The following SOX5 variants were observed in gnomAD, a reference collection of about 807,000 sequenced individuals.
SOX5 encodes the protein transcription factor SOX-5.
A neutral mutation model predicts 92.0 loss-of-function variants in SOX5; 9 were observed. That is an observed-to-expected ratio of 0.10 (90% CI 0.06 to 0.17). The LOEUF (loss-of-function observed/expected upper bound fraction) is 0.17, where lower values mean the gene tolerates loss of function less well. Among genes scored for constraint, SOX5 ranks in the 10% least tolerant of loss-of-function variants. The pLI, the probability that SOX5 is intolerant of heterozygous loss-of-function variation, is 1.00. For missense variants in SOX5, 642 were observed against 944.5 expected (o/e 0.68, Z 4.20); for synonymous variants, 344 against 336.3 (o/e 1.02, Z -0.25).
chr12:24,201,810 T>C (rs893128325), intron 4 of SOX5, among the ~76,000 whole-genome samples: 2 of 152,222 alleles, frequency 1.3e-5, no homozygotes, highest in Non-Finnish European at 2.9e-5. Context: ...GCTGCACCGA[T>C]ACTGTGCCCC....
intron 4 of SOX5, among the ~76,000 whole-genome samples, chr12:23,972,989 G>C (rs2140162823): frequency 6.6e-6 from 1 of 151,996 alleles, no homozygotes; most frequent in South Asian, 2.1e-4. Context: ...CTCCCCCCAA[G>C]CCTCAAGTAG....
chr12:24,090,225 C>A (rs573861608), intron 4 of SOX5, among the ~76,000 whole-genome samples: 1 of 152,154 alleles, frequency 6.6e-6, no homozygotes, highest in Non-Finnish European at 1.5e-5. Context: ...TGAAAAACAA[C>A]AAATCTATAG....
chr12:24,136,264 T>C (rs1950097598), intron 4 of SOX5, among the ~76,000 whole-genome samples: 1 of 152,240 alleles, frequency 6.6e-6, no homozygotes, highest in Non-Finnish European at 1.5e-5. Context: ...TGAGAAATCC[T>C]AAGGGGAGAC....
At chr12:24,100,453 C>T (rs1569542285) in intron 4 of SOX5, among the ~76,000 whole-genome samples, 2 of 152,082 alleles carry the variant, frequency 1.3e-5, no homozygotes, top group Non-Finnish European at 2.9e-5. Flanking sequence ...CTCTGCCATT[C>T]TCTCCTCTCC....
intron 4 of SOX5, among the ~76,000 whole-genome samples, chr12:23,960,201 CAT>C (rs1053802779): frequency 2.2e-4 from 33 of 152,128 alleles, no homozygotes; most frequent in African/African-American, 6.7e-4. Context: ...CCAGAGCCCA[CAT>C]ATGTTTACAC....
intron 3 of SOX5, among the ~76,000 whole-genome samples, chr12:23,793,011 CA>C (rs2095503693): frequency 6.6e-6 from 1 of 151,970 alleles, no homozygotes; most frequent in African/African-American, 2.4e-5. Context: ...ATAGTCAAGA[CA>C]AAAAATTTCA....
At chr12:23,611,701 G>A (rs2075982824) in intron 8 of SOX5, among the ~76,000 whole-genome samples, 1 of 152,096 alleles carries the variant, frequency 6.6e-6, no homozygotes, top group Admixed American at 6.6e-5. Context: ...AGCAGCATAT[G>A]ACAGTGTATG....
intron 3 of SOX5, chr12:24,227,338 T>A (rs1417678012): frequency 6.6e-6 from 1 of 152,136 alleles, no homozygotes; most frequent in East Asian, 1.9e-4. Context: ...TGTGTTCATG[T>A]TTGCCAAAAA....
intron 1 of SOX5, among the ~76,000 whole-genome samples, chr12:24,412,712 T>C (rs1435086049): frequency 6.6e-6 from 1 of 152,048 alleles, no homozygotes; most frequent in Non-Finnish European, 1.5e-5. Flanking sequence ...TGATCTCTCT[T>C]GGAATATGTT....
chr12:24,223,799 A>G (rs1961141549), intron 3 of SOX5, among the ~76,000 whole-genome samples: 1 of 152,020 alleles, frequency 6.6e-6, no homozygotes, highest in Non-Finnish European at 1.5e-5. Flanking sequence ...ACAAACAAAC[A>G]AACAAAAAAA....
intron 1 of SOX5, among the ~76,000 whole-genome samples, chr12:24,441,978 G>GGAAACTT (rs1940682598): frequency 6.6e-6 from 1 of 152,150 alleles, no homozygotes; most frequent in Non-Finnish European, 1.5e-5. Flanking sequence ...TAAGGAGGTA[G>GGAAACTT]GAAACTTAAA....
At chr12:23,762,769 T>A (rs1238105528) in intron 3 of SOX5, among the ~76,000 whole-genome samples, 1 of 152,134 alleles carries the variant, frequency 6.6e-6, no homozygotes, top group Non-Finnish European at 1.5e-5. Flanking sequence ...TTATATCACA[T>A]TTTAGAAGAA....
chr12:23,977,009 C>T (rs1180429429), intron 4 of SOX5, among the ~76,000 whole-genome samples: 2 of 152,038 alleles, frequency 1.3e-5, no homozygotes, highest in Non-Finnish European at 2.9e-5. Context: ...ACCAATATAC[C>T]TACTTTATTA....
intron 1 of SOX5, among the ~76,000 whole-genome samples, chr12:23,943,101 T>A (rs748561141): frequency 6.6e-6 from 1 of 152,000 alleles, no homozygotes. Flanking sequence ...CCATAGCACA[T>A]GAATGAGACA....
intron 2 of SOX5, among the ~76,000 whole-genome samples, chr12:24,291,548 T>C (rs1312189174): frequency 2.6e-5 from 4 of 152,226 alleles, no homozygotes; most frequent in African/African-American, 4.8e-5. Flanking sequence ...CTGCTAATGT[T>C]CATCTTATTC....
At chr12:24,367,063 C>T (rs1165155916) in intron 2 of SOX5, among the ~76,000 whole-genome samples, 2 of 152,092 alleles carry the variant, frequency 1.3e-5, no homozygotes, top group Admixed American at 1.3e-4. Context: ...ATCCATTTTG[C>T]TTAAGTATCT....
chr12:23,676,852 A>C (rs79475955), intron 6 of SOX5, among the ~76,000 whole-genome samples: 4,101 of 152,202 alleles, frequency 0.027, 199 homozygotes, highest in African/African-American at 0.093. Flanking sequence ...CAACTATACC[A>C]TTAGGTTGAC....
At chr12:23,688,983 G>T (rs762682521) in intron 6 of SOX5, among the ~76,000 whole-genome samples, 11 of 152,070 alleles carry the variant, frequency 7.2e-5, no homozygotes, top group Admixed American at 2.0e-4. Flanking sequence ...TATTTCACAA[G>T]CATCTCTTTC....
intron 2 of SOX5, among the ~76,000 whole-genome samples, chr12:24,288,969 A>T (rs1672021124): frequency 6.6e-6 from 1 of 152,064 alleles, no homozygotes; most frequent in South Asian, 2.1e-4. Context: ...GTCCTTAGAT[A>T]CGTAACCACC....
Sources: allele counts gnomAD v4.1 joint callset (sites outside exome capture counted in the v4.1 genomes callset), GRCh38; gene constraint gnomAD v4.1.1; transcripts MANE v1.5; gene names NCBI Gene and HGNC (gene_info 2026-07-23, HGNC 2026-07-21).